DBF4: variants seen among roughly 807,000 people sequenced by gnomAD.
DBF4 encodes the protein protein DBF4 homolog A.
DBF4 carries 25 observed loss-of-function variants against 76.6 expected under a neutral mutation model. That is an observed-to-expected ratio of 0.33 (90% CI 0.24 to 0.46). DBF4 has a LOEUF of 0.46. DBF4 is among the 20% of genes least tolerant of loss of function. The pLI is 1.00. For missense variants in DBF4, 638 were observed against 760.8 expected (o/e 0.84, Z 1.90); for synonymous variants, 213 against 258.0 (o/e 0.83, Z 1.67).
At chr7:87,883,970 C>T (rs929475931) in intron 2 of DBF4, among the ~76,000 whole-genome samples, 1 of 152,022 alleles carries the variant, frequency 6.6e-6, no homozygotes, top group African/African-American at 2.4e-5. Flanking sequence ...TTTCCTGACC[C>T]TGGCGATCTT....
chr7:87,893,236 C>CTTTTTTTT (rs869114624), intron 6 of DBF4, among the ~76,000 whole-genome samples: 3 of 126,764 alleles, frequency 2.4e-5, no homozygotes, highest in Non-Finnish European at 3.4e-5. Flanking sequence ...ATTTAATATT[C>CTTTTTTTT]TTTTTTTTTT....
In DBF4 at chr7:87,906,037, A is replaced by G. The variant is rs183432426; in HGVS notation, c.1050-1151A>G. Reference sequence around the variant, plus strand: ...AAATTAGGTGGTGGCACATGCCTGTAGTCCCAACTACTTAGGAGGCTGAGG... The same window carrying G: ...AAATTAGGTGGTGGCACATGCCTGTGGTCCCAACTACTTAGGAGGCTGAGG... On this transcript the variant is annotated intron_variant, in intron 11 of 11. Transcript: ENST00000265728. Among the ~76,000 whole-genome samples the G allele has an allele frequency of 2.2e-3, 334 of 152,180 alleles. 2 individuals carry two copies. Among genetic ancestry groups the G allele is most frequent in the African/African-American group, 7.7e-3 (321 of 41,542 alleles).
intron 6 of DBF4, among the ~76,000 whole-genome samples, chr7:87,889,208 ATCT>A (rs1403092041): frequency 3.3e-5 from 5 of 152,248 alleles, no homozygotes; most frequent in African/African-American, 1.2e-4. Flanking sequence ...TTTTGGAAAG[ATCT>A]TCTGGTTGAC....
rs757488870 is a variant in DBF4, at chr7:87,904,424, GT to G, written c.1049+12del. ...CACACCTAAAAAGAAAAGGTAATTA[GT>G]TTTATCAACCTAAGTTTTAAATTCT... On this transcript the variant is annotated intron_variant, in intron 11 of 11. Coordinates refer to ENST00000265728, the MANE Select transcript of DBF4 (RefSeq NM_006716.4). 2 of 1,609,320 alleles carry G rather than the reference GT, an allele frequency of 1.2e-6. No individual in the cohort carries two copies. The highest frequency in any genetic ancestry group is 4.5e-5 in the East Asian group (2 of 44,640).
chr7:87,897,164 G>A (rs1258396735), intron 7 of DBF4, 130 bp from the exon 8 acceptor site: 11 of 767,778 alleles, frequency 1.4e-5, no homozygotes, highest in Non-Finnish European at 1.9e-5. Flanking sequence ...TACCTCATCT[G>A]AGGCTTAAAA....
intron 3 of DBF4, among the ~76,000 whole-genome samples, 153 bp from the exon 4 acceptor site, chr7:87,886,691 T>G (rs1244181757): frequency 6.6e-6 from 1 of 152,114 alleles, no homozygotes; most frequent in Non-Finnish European, 1.5e-5. Flanking sequence ...TTTTTCATGT[T>G]GAATAGAATT....
intron 10 of DBF4, among the ~76,000 whole-genome samples, chr7:87,902,681 C>G (rs1181066986): frequency 2.0e-5 from 3 of 152,076 alleles, no homozygotes; most frequent in Non-Finnish European, 2.9e-5. Flanking sequence ...GAAATTTTTC[C>G]TTCCCAGAAC....
chr7:87,885,275 G>A (rs1839317136), intron 3 of DBF4, 117 bp downstream of exon 3: 1 of 811,752 alleles, frequency 1.2e-6, no homozygotes, highest in South Asian at 2.1e-5. Flanking sequence ...AAAGCCACAT[G>A]ATGTGTGGCT....
At position 87,902,717 on chromosome 7, in the gene DBF4, A is replaced by G. The variant is rs141685137; in HGVS notation, c.925-1575A>G. On this transcript the variant is annotated intron_variant, in intron 10 of 11. Coordinates refer to ENST00000265728, the MANE Select transcript of DBF4 (RefSeq NM_006716.4). ...ATTAACAGAGTGAATCTGAGCTTAC[A>G]AGATTTGATGCTTCCTTTTAAATTT... Among the ~76,000 whole-genome samples, 201 of 152,324 alleles carry G rather than the reference A, an allele frequency of 1.3e-3. 2 individuals carry two copies. The highest frequency in any genetic ancestry group is 4.7e-3 in the African/African-American group (195 of 41,566).
intron 6 of DBF4, among the ~76,000 whole-genome samples, chr7:87,891,748 G>C (rs1406866605): frequency 1.3e-5 from 2 of 151,972 alleles, no homozygotes; most frequent in East Asian, 1.9e-4. Context: ...GATTTTTTGT[G>C]TGTGTGGTTT....
At chr7:87,900,152 A>T in intron 8 of DBF4, 69 bp from the exon 9 acceptor site, 2 of 1,299,852 alleles carry the variant, frequency 1.5e-6, no homozygotes. Flanking sequence ...TGATTTTGAA[A>T]TACAAAACTT....
At chr7:87,893,833 A>G (rs912237410) in intron 6 of DBF4, among the ~76,000 whole-genome samples, 1 of 152,146 alleles carries the variant, frequency 6.6e-6, no homozygotes, top group Non-Finnish European at 1.5e-5. Context: ...ATTTAGGTCT[A>G]CCATCTTACT....
chr7:87,905,851 C>T (rs965521007), intron 11 of DBF4, among the ~76,000 whole-genome samples: 5 of 152,000 alleles, frequency 3.3e-5, no homozygotes, highest in African/African-American at 1.2e-4. Context: ...AGGCATATTT[C>T]CAACTATTAA....
intron 6 of DBF4, among the ~76,000 whole-genome samples, chr7:87,890,448 C>T (rs1054653715): frequency 2.6e-5 from 4 of 152,286 alleles, no homozygotes; most frequent in African/African-American, 9.6e-5. Flanking sequence ...AAGAGAATCA[C>T]TTGAAGCTGG....
At chr7:87,877,510 G>A (rs1018099639) in intron 1 of DBF4, among the ~76,000 whole-genome samples, 1 of 152,166 alleles carries the variant, frequency 6.6e-6, no homozygotes, top group Non-Finnish European at 1.5e-5. Flanking sequence ...TTAGTTCTTC[G>A]TAATGGACCG....
chr7:87,886,701 T>G, intron 3 of DBF4, 143 bp from the exon 4 acceptor site: 1 of 583,196 alleles, frequency 1.7e-6, no homozygotes, highest in South Asian at 2.2e-5. Context: ...TGAATAGAAT[T>G]TACTACAAAA....
chr7:87,907,105 T>C, intron 11 of DBF4, 83 bp from the exon 12 acceptor site: 1 of 1,262,024 alleles, frequency 7.9e-7, no homozygotes, highest in East Asian at 2.6e-5. Context: ...ATATAATGTT[T>C]TTACTAATTT....
intron 6 of DBF4, among the ~76,000 whole-genome samples, chr7:87,889,441 G>A (rs1279880579): frequency 6.6e-6 from 1 of 151,754 alleles, no homozygotes; most frequent in African/African-American, 2.4e-5. Flanking sequence ...CACCGTACCT[G>A]GCTAGTTTTT....
chr7:87,889,318 C>T (rs1300773578), intron 6 of DBF4, among the ~76,000 whole-genome samples: 1 of 148,672 alleles, frequency 6.7e-6, no homozygotes, highest in Non-Finnish European at 1.5e-5. Flanking sequence ...CCCCCTCTGT[C>T]ATCCAGGCTG....
Sources: gnomAD v4.1 joint callset for allele counts (sites outside exome capture counted in the v4.1 genomes callset) on GRCh38, gnomAD v4.1.1 for gene constraint, MANE v1.5 for transcripts, NCBI Gene and HGNC (gene_info 2026-07-23, HGNC 2026-07-21) for gene names.